LRPPRC: variants seen among roughly 807,000 people sequenced by gnomAD.
LRPPRC encodes leucine-rich PPR motif-containing protein, mitochondrial.
LRPPRC carries 120 observed loss-of-function variants against 180.3 expected under a neutral mutation model. The observed-to-expected ratio is 0.67, with a 90% confidence interval of 0.57 to 0.77. The LOEUF (loss-of-function observed/expected upper bound fraction) is 0.77, where lower values mean the gene tolerates loss of function less well. Among genes scored for constraint, LRPPRC ranks in the 30% least tolerant of loss-of-function variants. LRPPRC has a pLI of 0.00. For synonymous variants in LRPPRC, 723 were observed against 600.0 expected, an observed-to-expected ratio of 1.21 and a Z score of -3.00; for missense variants, 2,012 against 1,657.2, an observed-to-expected ratio of 1.21 and a Z score of -3.72.
chr2:43,918,860 T>C lies in LRPPRC; in HGVS notation c.2897-462A>G, dbSNP rs1041080751. On this transcript the variant is annotated intron_variant, in intron 27 of 37. Coordinates refer to ENST00000260665, the MANE Select transcript of LRPPRC (RefSeq NM_133259.4). ...ATCTCTATATATAGAGATATATATATAGATATAGATAGATAGATATATGGC... is the reference window on the plus strand; with the variant it reads ...ATCTCTATATATAGAGATATATATACAGATATAGATAGATAGATATATGGC... Among the ~76,000 whole-genome samples, 3 of 148,618 alleles carry C rather than the reference T, an allele frequency of 2.0e-5. No homozygotes were observed. In the Admixed American group the frequency reaches 2.0e-4, roughly 10 times the overall value.
At chr2:43,970,316 T>C (rs1348438496) in intron 11 of LRPPRC, among the ~76,000 whole-genome samples, 1 of 152,196 alleles carries the variant, frequency 6.6e-6, no homozygotes, top group Non-Finnish European at 1.5e-5. Context: ...CAAGAAAACC[T>C]GGGATCCCAC....
chr2:43,986,462 T>C (rs926269290), intron 1 of LRPPRC, among the ~76,000 whole-genome samples: 1 of 152,192 alleles, frequency 6.6e-6, no homozygotes, highest in Admixed American at 6.5e-5. Flanking sequence ...CTCTCCACTT[T>C]TTTTCTTCTT....
At chr2:43,961,155 C>T (rs1277696629) in intron 12 of LRPPRC, among the ~76,000 whole-genome samples, 3 of 151,950 alleles carry the variant, frequency 2.0e-5, no homozygotes, top group African/African-American at 7.3e-5. Flanking sequence ...TTATGGCATA[C>T]CCATACAATG....
chr2:43,979,495 T>C (rs988240372), intron 3 of LRPPRC, among the ~76,000 whole-genome samples: 4 of 152,228 alleles, frequency 2.6e-5, no homozygotes, highest in Admixed American at 6.5e-5. Context: ...TCCTTTTGCA[T>C]ATGTGAGTAT....
At chr2:43,969,279 G>A (rs966416779) in intron 11 of LRPPRC, among the ~76,000 whole-genome samples, 1 of 152,108 alleles carries the variant, frequency 6.6e-6, no homozygotes, top group East Asian at 1.9e-4. Flanking sequence ...GGGCGTGGTG[G>A]CGGGCGCCTG....
chr2:43,958,888 A>T (rs1419462114), intron 13 of LRPPRC: 7 of 254,350 alleles, frequency 2.8e-5, no homozygotes, highest in Admixed American at 1.1e-4. Context: ...GAAAAGCTCA[A>T]ATACTTGGCA....
intron 11 of LRPPRC, among the ~76,000 whole-genome samples, chr2:43,971,781 A>G (rs1263748605): frequency 6.6e-6 from 1 of 152,088 alleles, no homozygotes; most frequent in African/African-American, 2.4e-5. Flanking sequence ...AAGAAACTAT[A>G]AAGAATACAT....
chr2:43,995,571 G>T (rs532197086), intron 1 of LRPPRC, among the ~76,000 whole-genome samples: 9 of 152,220 alleles, frequency 5.9e-5, no homozygotes, highest in Non-Finnish European at 1.0e-4. Context: ...GCGGGGGCAG[G>T]ATTCAAGCCG....
In LRPPRC at chr2:43,934,276, C is replaced by T; in HGVS notation, c.2650G>A (p.Glu884Lys). The T allele has an allele frequency of 6.2e-7, 1 of 1,606,072 alleles. No individual in the cohort carries two copies. The highest frequency in any genetic ancestry group is 8.5e-7 in the Non-Finnish European group (1 of 1,173,566). The change falls in exon 25 of 38, where the codon GAA (glutamate) becomes AAA (lysine). Residue 884 changes from glutamate to lysine, a missense_variant. By Grantham distance (56) the Glu-to-Lys change is moderately conservative. Coordinates refer to ENST00000260665, the MANE Select transcript of LRPPRC (RefSeq NM_133259.4). ...IQKAMDFVSQ[E>K]QGEMVMLYDL... ...TAGAGCATCACCATTTCACCTTGTTCTTGGCTCACAAAGTCCATTGCTAGG... is the reference window on the plus strand; with the variant it reads ...TAGAGCATCACCATTTCACCTTGTTTTTGGCTCACAAAGTCCATTGCTAGG...
chr2:43,922,295 G>C (rs1316450781), intron 27 of LRPPRC, among the ~76,000 whole-genome samples: 11 of 152,156 alleles, frequency 7.2e-5, no homozygotes, highest in Admixed American at 7.2e-4. Context: ...TGTTGGCTGA[G>C]CTACATATCT....
intron 2 of LRPPRC, among the ~76,000 whole-genome samples, chr2:43,981,321 C>T (rs1489198957): frequency 6.7e-6 from 1 of 149,966 alleles, no homozygotes; most frequent in African/African-American, 2.5e-5. Context: ...AAAGTGACTC[C>T]ATAAACTAGG....
rs1291425233 is a variant in LRPPRC, at chr2:43,977,250, T to C, written c.496A>G (p.Asn166Asp). 5 of 1,601,278 alleles carry C rather than the reference T, an allele frequency of 3.1e-6. No homozygotes were observed. The highest frequency in any genetic ancestry group is 3.4e-6 in the Non-Finnish European group (4 of 1,168,578). Residue 166 changes from asparagine (N) to aspartate (D), a missense_variant, in exon 4 of 38, where the codon AAT (asparagine) becomes GAT (aspartate). Physicochemically the swap from Asn to Asp is conservative, Grantham distance 23. Transcript: ENST00000260665. ...TGAAGATAGACTTTAAGTAAAGCATTATAGTGACTCACATCATACACAGCA... is the reference window on the plus strand; with the variant it reads ...TGAAGATAGACTTTAAGTAAAGCATCATAGTGACTCACATCATACACAGCA... ...LGAVYDVSHY[N>D]ALLKVYLQNE...
chr2:43,952,652 T>A (rs981078647), intron 14 of LRPPRC, among the ~76,000 whole-genome samples: 2 of 152,210 alleles, frequency 1.3e-5, no homozygotes, highest in African/African-American at 4.8e-5. Flanking sequence ...CCAGACTTTG[T>A]ACTAGGTTCT....
chr2:43,910,079 G>A (rs891610405), intron 30 of LRPPRC, among the ~76,000 whole-genome samples: 1 of 152,076 alleles, frequency 6.6e-6, no homozygotes, highest in African/African-American at 2.4e-5. Flanking sequence ...CTATTTCATT[G>A]AAACAATGTT....
chr2:43,925,038 A>C (rs771286794), intron 27 of LRPPRC, 29 bp downstream of exon 27: 1 of 1,232,724 alleles, frequency 8.1e-7, no homozygotes, highest in Non-Finnish European at 1.2e-6. Flanking sequence ...AGAATAAATG[A>C]AAGCGTGAAG....
In LRPPRC at chr2:43,912,562, T is replaced by C. The variant is rs1268025807; in HGVS notation, c.3149-4A>G. The C allele has an allele frequency of 1.2e-6, 2 of 1,608,252 alleles. No individual in the cohort carries two copies. Among genetic ancestry groups the C allele is most frequent in the African/African-American group, 1.3e-5 (1 of 74,882 alleles). ...TTCAGGAAAATATCATATGCCCCTATGAGAGAAAACAGACAAAAAAAATGA... is the reference window on the plus strand; with the variant it reads ...TTCAGGAAAATATCATATGCCCCTACGAGAGAAAACAGACAAAAAAAATGA... On this transcript the variant is annotated splice_region_variant and splice_polypyrimidine_tract_variant and intron_variant, in intron 29 of 37. Coordinates refer to ENST00000260665, the MANE Select transcript of LRPPRC (RefSeq NM_133259.4).
At chr2:43,975,036 A>G (rs961414520) in intron 7 of LRPPRC, 55 bp downstream of exon 7, 1 of 1,576,154 alleles carries the variant, frequency 6.3e-7, no homozygotes, top group African/African-American at 1.3e-5. Context: ...TGTAAAACAT[A>G]ACACAAATTT....
At chr2:43,963,880 C>A in intron 11 of LRPPRC, 174 bp from the exon 12 acceptor site, 1 of 624,002 alleles carries the variant, frequency 1.6e-6, no homozygotes, top group East Asian at 2.7e-5. Flanking sequence ...AAAAAATTAA[C>A]TCCTCCTTTC....
chr2:43,892,908 A>G (rs909231749), intron 36 of LRPPRC: 1 of 152,230 alleles, frequency 6.6e-6, no homozygotes, highest in African/African-American at 2.4e-5. Context: ...GGAAGGGTTC[A>G]CCATTTCTAG....
Sources: allele counts gnomAD v4.1 joint callset (sites outside exome capture counted in the v4.1 genomes callset), GRCh38; gene constraint gnomAD v4.1.1; transcripts MANE v1.5; gene names NCBI Gene and HGNC (gene_info 2026-07-23, HGNC 2026-07-21).